Variants in DUSP8 observed in about 807,000 individuals in gnomAD.
The protein encoded by DUSP8 is dual specificity protein phosphatase 8.
Under a neutral mutation model 38.7 loss-of-function variants are expected in DUSP8, and 15 were observed. That is an observed-to-expected ratio of 0.39 (90% CI 0.26 to 0.60). The LOEUF is 0.60. Ranked by LOEUF, DUSP8 falls within the 20% of genes least tolerant of loss-of-function variation. The pLI is 0.56. For synonymous variants in DUSP8, 458 were observed against 433.9 expected, an observed-to-expected ratio of 1.06 and a Z score of -0.69; for missense variants, 768 against 915.0, an observed-to-expected ratio of 0.84 and a Z score of 2.07.
At chr11:1,560,039 G>A (rs1473040888) in intron 3 of DUSP8, among the ~76,000 whole-genome samples, 1 of 152,154 alleles carries the variant, frequency 6.6e-6, no homozygotes, top group Admixed American at 6.5e-5. Flanking sequence ...TGGCTGGGGC[G>A]ACCACCGATG....
intron 1 of DUSP8, 32 bp from the exon 2 acceptor site, chr11:1,565,966 G>A (rs1440776743): frequency 2.1e-5 from 15 of 724,410 alleles, no homozygotes; most frequent in South Asian, 6.9e-5. Flanking sequence ...CAGCAGTGCT[G>A]CGGGCCCCTG....
At position 1,559,024 on chromosome 11, in the gene DUSP8, G is replaced by A. The variant is rs187699332; in HGVS notation, c.402C>T (p.Pro134=). ...GGFATFSSCF[P]GLCEGKPAAL... ...CAGCAGGCTTGCCCTCGCAGAGGCC[G>A]GGGAAGCAGGAGGAGAAGGTGGCGA... The change falls in exon 4 of 7, where the codon CCC becomes CCT. Residue 134 remains proline, a synonymous_variant. Coordinates refer to ENST00000397374, the MANE Select transcript of DUSP8 (RefSeq NM_004420.3). The A allele has an allele frequency of 3.2e-5, 52 of 1,610,632 alleles. No individual in the cohort carries two copies. In the Admixed American group the frequency reaches 4.7e-4, roughly 14 times the overall value.
chr11:1,561,004 C>G (rs1480979360), intron 3 of DUSP8, among the ~76,000 whole-genome samples: 1 of 152,116 alleles, frequency 6.6e-6, no homozygotes, highest in Non-Finnish European at 1.5e-5. Flanking sequence ...CAGGACCTCC[C>G]CAGGCGGAGC....
chr11:1,571,710 G>A (rs1848901167), intron 1 of DUSP8, 191 bp downstream of exon 1: 1 of 151,720 alleles, frequency 6.6e-6, no homozygotes, highest in African/African-American at 2.4e-5. Context: ...GCGGGGGGCG[G>A]GGAAGGGGCC....
Position 1,558,061 on chromosome 11 carries a change from C to G in DUSP8, c.697+51G>C. The G allele has an allele frequency of 6.2e-7, 1 of 1,611,416 alleles. No individual in the cohort carries two copies. Among genetic ancestry groups the G allele is most frequent in the Non-Finnish European group, 8.5e-7 (1 of 1,179,466 alleles). ...CTCCTGTGTCTGTGGCCACACACAG[C>G]TCTAGCCTTCCTCTAGCCAGGTCCC... On this transcript the variant is annotated intron_variant, in intron 5 of 6. Transcript: ENST00000397374. This position sits in a 1 kb window ranked among gnomAD's most constrained non-coding sequence, Gnocchi z 6.3.
intron 1 of DUSP8, among the ~76,000 whole-genome samples, chr11:1,568,884 T>C (rs1034370330): frequency 2.0e-5 from 3 of 152,228 alleles, no homozygotes; most frequent in African/African-American, 7.2e-5. Context: ...AGGGTCTCCC[T>C]GGACCTACAG....
chr11:1,564,919 C>A (rs1848778657), intron 2 of DUSP8, among the ~76,000 whole-genome samples: 1 of 152,234 alleles, frequency 6.6e-6, no homozygotes, highest in Non-Finnish European at 1.5e-5. Context: ...AGCTTGTCAC[C>A]CTTGTCCCCT....
At chr11:1,567,596 G>C (rs1848823432) in intron 1 of DUSP8, among the ~76,000 whole-genome samples, 2 of 152,238 alleles carry the variant, frequency 1.3e-5, no homozygotes, top group South Asian at 4.1e-4. Flanking sequence ...CGCCTCGACT[G>C]GGCCCAGGCT....
chr11:1,559,339 A>C, intron 3 of DUSP8: 1 of 377,838 alleles, frequency 2.6e-6, no homozygotes, highest in East Asian at 4.9e-5. Flanking sequence ...GGATGCCCGT[A>C]AAGGTGGCGT....
chr11:1,556,037 G>C lies in DUSP8; in HGVS notation c.*481C>G, dbSNP rs1310015178. The C allele has an allele frequency of 6.6e-6, 1 of 152,376 alleles. No individual in the cohort carries two copies. Among genetic ancestry groups the C allele is most frequent in the East Asian group, 1.9e-4 (1 of 5,198 alleles). The allele number at this position is 152,376 out of a possible 1,614,324, so 9.4% of individuals were successfully genotyped here. A position where few individuals can be genotyped will look rare whatever the true frequency, so the allele number is the denominator to read the frequency against. On this transcript the variant is annotated 3_prime_UTR_variant, in exon 7 of 7. Coordinates refer to ENST00000397374, the MANE Select transcript of DUSP8 (RefSeq NM_004420.3). This position sits in a 1 kb window ranked among gnomAD's most constrained non-coding sequence, Gnocchi z 5.2. The stretch of plus-strand genomic sequence containing the variant: ...TCCTGCTCCTCCATCCTATGGCTTT[G>C]GTGCAGAGCCCTAGGCCGGCGCAGA...
chr11:1,557,544 C>A lies in DUSP8; in HGVS notation c.852G>T (p.Ser284=), dbSNP rs773418051. The change falls in exon 7 of 7, where the codon TCG becomes TCT. Residue 284 remains serine, a synonymous_variant. Coordinates refer to ENST00000397374, the MANE Select transcript of DUSP8 (RefSeq NM_004420.3). This position sits in a 1 kb window ranked among gnomAD's most constrained non-coding sequence, Gnocchi z 9.9. Reference sequence around the variant, plus strand: ...GCTGGCCCAGGAAGTTGAAGTTGGGCGAGATGGACGGGCGCCTGTCCTTCA... The same window carrying A: ...GCTGGCCCAGGAAGTTGAAGTTGGGAGAGATGGACGGGCGCCTGTCCTTCA... ...RFVKDRRPSI[S]PNFNFLGQLL... 6.3e-6 allele frequency: 10 copies of A among 1,590,072 alleles called. No homozygotes were observed. Among genetic ancestry groups the A allele is most frequent in the Non-Finnish European group, 8.5e-6 (10 of 1,176,410 alleles).
In DUSP8 at chr11:1,557,347, C is replaced by T. The variant is rs1259014604; in HGVS notation, c.1049G>A (p.Gly350Asp). 6 of 1,547,678 alleles carry T rather than the reference C, an allele frequency of 3.9e-6. No individual in the cohort carries two copies. Among genetic ancestry groups the T allele is most frequent in the South Asian group, 2.4e-5 (2 of 84,504 alleles). Reference sequence around the variant, plus strand: ...GGGCTCCCCGCCCGCGCTCAGGCCGCCCTCCCTGGCAGCCGCATTCCCTGT... The same window carrying T: ...GGGCTCCCCGCCCGCGCTCAGGCCGTCCTCCCTGGCAGCCGCATTCCCTGT... ...AATGNAAARE[G>D]GLSAGGEPPA... The change falls in exon 7 of 7, where the codon GGC becomes GAC. Residue 350 changes from glycine (G) to aspartate (D), a missense_variant. Transcript: ENST00000397374. This position sits in a 1 kb window ranked among gnomAD's most constrained non-coding sequence, Gnocchi z 9.9.
At chr11:1,561,574 G>C (rs928620574) in intron 3 of DUSP8, among the ~76,000 whole-genome samples, 4 of 152,240 alleles carry the variant, frequency 2.6e-5, no homozygotes, top group African/African-American at 7.2e-5. Flanking sequence ...CAGCTGGAGT[G>C]GGGGAAGAGG....
chr11:1,570,025 G>A (rs753115224), intron 1 of DUSP8, among the ~76,000 whole-genome samples: 3 of 152,190 alleles, frequency 2.0e-5, no homozygotes, highest in African/African-American at 4.8e-5. Flanking sequence ...CTTGGCTAGT[G>A]CTGTAGGACC....
At chr11:1,570,649 G>A (rs1848874348) in intron 1 of DUSP8, among the ~76,000 whole-genome samples, 1 of 152,130 alleles carries the variant, frequency 6.6e-6, no homozygotes, top group Non-Finnish European at 1.5e-5. Flanking sequence ...TGCAGCCCCC[G>A]GCTGGCTGCA....
chr11:1,565,529 G>T, intron 2 of DUSP8, 67 bp downstream of exon 2: 1 of 1,300,040 alleles, frequency 7.7e-7, no homozygotes, highest in Non-Finnish European at 1.1e-6. Context: ...GGTGCTGCCC[G>T]AGCTGAGGGC....
At chr11:1,559,092 ACCTAGGGCTCCCTGTCCGCCTAGGGTGC>A in intron 3 of DUSP8, 37 bp from the exon 4 acceptor site, 1 of 1,592,196 alleles carries the variant, frequency 6.3e-7, no homozygotes, top group Non-Finnish European at 8.5e-7. Flanking sequence ...TTGAGAGAAC[ACCTAGGGCTCCCTGTCCGCCTAGGGTGC>A]CCTGTCCGCC....
At chr11:1,562,577 G>C (rs563336239) in intron 3 of DUSP8, among the ~76,000 whole-genome samples, 2 of 152,112 alleles carry the variant, frequency 1.3e-5, no homozygotes, top group African/African-American at 4.8e-5. Context: ...ATACCTCCAT[G>C]TATATACATG....
intron 3 of DUSP8, 63 bp downstream of exon 3, chr11:1,563,788 C>A: frequency 7.0e-7 from 1 of 1,423,748 alleles, no homozygotes; most frequent in Non-Finnish European, 9.2e-7. Context: ...ATGCCCCAGC[C>A]CCAGCCCCAG....
Sources: gnomAD v4.1 joint callset for allele counts (sites outside exome capture counted in the v4.1 genomes callset) on GRCh38, gnomAD v4.1.1 for gene constraint, Gnocchi (gnomAD v3.1) non-coding constraint, MANE v1.5 for transcripts, NCBI Gene and HGNC (gene_info 2026-07-23, HGNC 2026-07-21) for gene names.